Variants in HCRTR2 observed in about 807,000 individuals in gnomAD.
HCRTR2 encodes the protein hypocretin receptor 2.
Under a neutral mutation model 49.0 loss-of-function variants are expected in HCRTR2, and 22 were observed. That is an observed-to-expected ratio of 0.45 (90% confidence interval 0.32 to 0.64). The LOEUF is 0.64. HCRTR2 is among the 30% of genes least tolerant of loss of function. HCRTR2 has a pLI of 0.04. For missense variants in HCRTR2, 491 were observed against 559.4 expected (o/e 0.88, Z 1.23); for synonymous variants, 236 against 205.3 (o/e 1.15, Z -1.28).
intron 6 of HCRTR2, among the ~76,000 whole-genome samples, chr6:55,280,734 CATGATTTACAAAAATATAAAAT>C (rs72518492): frequency 0.028 from 4,309 of 152,270 alleles, 90 homozygotes; most frequent in Middle Eastern, 0.075. Flanking sequence ...ACTTTAAACT[CATGATTTACAAAAATATAAAAT>C]ACTTTGTTCT....
At chr6:55,278,610 C>G (rs1047379172) in intron 5 of HCRTR2, among the ~76,000 whole-genome samples, 1 of 152,024 alleles carries the variant, frequency 6.6e-6, no homozygotes, top group Non-Finnish European at 1.5e-5. Flanking sequence ...TTACTACAGT[C>G]ACAGCCTTAA....
At position 55,219,454 on chromosome 6, in the gene HCRTR2, C is replaced by T. The variant is rs147668022; in HGVS notation, c.224-29185C>T. On this transcript the variant is annotated intron_variant, in intron 1 of 6. Transcript: ENST00000370862. ...ATAAATTCTTGAACAGTCCATGGGT[C>T]AAAGAAGAAATTATAAGGGATATTT... 3.3e-5 allele frequency among the ~76,000 whole-genome samples: 5 copies of T among 151,650 alleles called. No homozygotes were observed. The East Asian group carries it at 5.8e-4, about 18-fold the overall frequency.
chr6:55,236,623 G>A (rs1338216227), intron 1 of HCRTR2, among the ~76,000 whole-genome samples: 2 of 152,046 alleles, frequency 1.3e-5, no homozygotes, highest in Non-Finnish European at 2.9e-5. Context: ...CTATTTATGT[G>A]AATTAGTATT....
chr6:55,136,304 T>C (rs1484576942), intron 1 of HCRTR2, among the ~76,000 whole-genome samples: 2 of 152,168 alleles, frequency 1.3e-5, no homozygotes, highest in Non-Finnish European at 2.9e-5. Flanking sequence ...TTCTAAACCT[T>C]GAATTTAACT....
upstream of HCRTR2, among the ~76,000 whole-genome samples, chr6:55,171,655 G>A (rs1318103047): frequency 6.6e-6 from 1 of 152,100 alleles, no homozygotes; most frequent in African/African-American, 2.4e-5. Context: ...ATAGATAGAA[G>A]GAAATGGAAT....
At chr6:55,119,054 T>C (rs918819349) in intron 1 of HCRTR2, among the ~76,000 whole-genome samples, 1 of 152,064 alleles carries the variant, frequency 6.6e-6, no homozygotes, top group Non-Finnish European at 1.5e-5. Context: ...TTTCTATTCC[T>C]ATGTTAGTTT....
chr6:55,210,938 T>C (rs1157917647), intron 1 of HCRTR2, among the ~76,000 whole-genome samples: 1 of 152,196 alleles, frequency 6.6e-6, no homozygotes, highest in Non-Finnish European at 1.5e-5. Context: ...AACGACAGAC[T>C]GCATTTACGA....
At chr6:55,175,385 C>T (rs1413679212) in intron 1 of HCRTR2, among the ~76,000 whole-genome samples, 7 of 152,064 alleles carry the variant, frequency 4.6e-5, no homozygotes, top group Non-Finnish European at 8.8e-5. Context: ...GGGAAGTGCA[C>T]TCACTCATAG....
chr6:55,231,709 A>C (rs1766118176), intron 1 of HCRTR2, among the ~76,000 whole-genome samples: 1 of 152,206 alleles, frequency 6.6e-6, no homozygotes, highest in South Asian at 2.1e-4. Flanking sequence ...AGGCTTGCAG[A>C]CTTGTGAGGT....
chr6:55,185,283 G>A (rs1765198124), intron 1 of HCRTR2, among the ~76,000 whole-genome samples: 1 of 152,098 alleles, frequency 6.6e-6, no homozygotes, highest in Admixed American at 6.5e-5. Flanking sequence ...TTATACTTTG[G>A]ACACAGGAAA....
chr6:55,118,992 G>A (rs1206778901), intron 1 of HCRTR2, among the ~76,000 whole-genome samples: 5 of 151,760 alleles, frequency 3.3e-5, no homozygotes, highest in Non-Finnish European at 7.4e-5. Context: ...CTGTGTTCAT[G>A]TGTTCTCCTT....
intron 4 of HCRTR2, among the ~76,000 whole-genome samples, chr6:55,269,930 C>G (rs148333465): frequency 1.2e-4 from 18 of 152,292 alleles, no homozygotes; most frequent in African/African-American, 3.8e-4. Flanking sequence ...CACCACTGCA[C>G]TCCAGCCTGT....
At chr6:55,108,551 A>G (rs756466247) in intron 1 of HCRTR2, among the ~76,000 whole-genome samples, 3 of 151,724 alleles carry the variant, frequency 2.0e-5, no homozygotes, top group Non-Finnish European at 4.4e-5. Context: ...TAAATCCTTC[A>G]TGAGAGAGAA....
intron 1 of HCRTR2, among the ~76,000 whole-genome samples, chr6:55,179,759 A>G (rs911650606): frequency 6.6e-6 from 1 of 152,190 alleles, no homozygotes; most frequent in Non-Finnish European, 1.5e-5. Context: ...GTGCCTACAT[A>G]CTAAATTGTA....
intron 1 of HCRTR2, among the ~76,000 whole-genome samples, chr6:55,108,963 C>A (rs4715517): frequency 0.011 from 1,741 of 152,142 alleles, 72 homozygotes; most frequent in East Asian, 0.077. Context: ...CATATAAACT[C>A]GGTGCTGTTG....
chr6:55,272,002 A>G (rs1219490609), intron 4 of HCRTR2, among the ~76,000 whole-genome samples: 2 of 152,128 alleles, frequency 1.3e-5, no homozygotes, highest in Non-Finnish European at 2.9e-5. Flanking sequence ...CACTAATTCA[A>G]TCTCTAGTTA....
chr6:55,115,962 A>G (rs1193574162), intron 1 of HCRTR2, among the ~76,000 whole-genome samples: 1 of 151,784 alleles, frequency 6.6e-6, no homozygotes, highest in East Asian at 1.9e-4. Flanking sequence ...ATATGTTTCC[A>G]TAGAGCTTCA....
intron 4 of HCRTR2, among the ~76,000 whole-genome samples, chr6:55,267,409 T>TTG (rs1045582010): frequency 6.6e-6 from 1 of 151,654 alleles, no homozygotes; most frequent in African/African-American, 2.4e-5. Context: ...TCTCTGTTTT[T>TTG]TTTTTTTTTT....
intron 1 of HCRTR2, among the ~76,000 whole-genome samples, chr6:55,212,669 A>G (rs1402032654): frequency 6.6e-6 from 1 of 152,204 alleles, no homozygotes; most frequent in African/African-American, 2.4e-5. Context: ...AATTAAACAT[A>G]TAAAAGAATG....
Sources: gnomAD v4.1 joint callset for allele counts (sites outside exome capture counted in the v4.1 genomes callset) on GRCh38, gnomAD v4.1.1 for gene constraint, MANE v1.5 for transcripts, NCBI Gene and HGNC (gene_info 2026-07-23, HGNC 2026-07-21) for gene names.